LRP2: variants seen among roughly 807,000 people sequenced by gnomAD.
The protein encoded by LRP2 is low-density lipoprotein receptor-related protein 2.
Under a neutral mutation model 531.0 loss-of-function variants are expected in LRP2, and 172 were observed. The observed-to-expected ratio is 0.32, with a 90% confidence interval of 0.29 to 0.37. The LOEUF (loss-of-function observed/expected upper bound fraction) is 0.37, where lower values mean the gene tolerates loss of function less well. Ranked by LOEUF, LRP2 falls within the 10% of genes least tolerant of loss-of-function variation. LRP2 has a pLI of 1.00. For missense variants in LRP2, 5,167 were observed against 5,868.3 expected (o/e 0.88, Z 3.90); for synonymous variants, 1,992 against 2,027.6 (o/e 0.98, Z 0.47).
At chr2:169,156,940 A>G (rs1479055243) in intron 64 of LRP2, among the ~76,000 whole-genome samples, 1 of 152,208 alleles carries the variant, frequency 6.6e-6, no homozygotes, top group African/African-American at 2.4e-5. Context: ...CACCATCTTG[A>G]TAAGCTACCT....
In LRP2 at chr2:169,188,210, G is replaced by A; in HGVS notation, c.9088C>T (p.Gln3030Ter). Residue 3030 changes from glutamine (Q) to a stop codon, truncating the protein, a stop_gained, in exon 49 of 79, where the codon CAG becomes TAG. Coordinates refer to ENST00000649046, the MANE Select transcript of LRP2 (RefSeq NM_004525.3). LOFTEE classifies it high-confidence loss of function. ...DYSDERGCLY[Q>*]TCQQNQFTCQ... ...GTAAACTGATTCTGTTGGCAAGTCT[G>A]GTATAAGCAGCCCCTCTCGTCGCTA... 6.2e-7 allele frequency: 1 copy of A among 1,614,106 alleles called. No individual in the cohort carries two copies.
intron 13 of LRP2, among the ~76,000 whole-genome samples, chr2:169,277,256 T>G (rs1382532724): frequency 3.9e-5 from 6 of 151,944 alleles, no homozygotes; most frequent in Non-Finnish European, 7.4e-5. Flanking sequence ...TAAGTATCTT[T>G]GTATACCAGG....
rs890158936 is a variant in LRP2 at position 169,177,888 on chromosome 2, A to G, written c.10308T>C (p.Tyr3436=). 18 of 1,614,090 alleles carry G rather than the reference A, an allele frequency of 1.1e-5. No homozygotes were observed. The highest frequency in any genetic ancestry group is 1.4e-5 in the Non-Finnish European group (17 of 1,180,034). ...NTRTVEKGNK[Y]DGSNRQTLVN... ...CCAGTGTCTGTCTATTTGATCCATCATATTTGTTTCCCTTTTCCACTGTCC... is the reference window on the plus strand; with the variant it reads ...CCAGTGTCTGTCTATTTGATCCATCGTATTTGTTTCCCTTTTCCACTGTCC... Residue 3436 remains tyrosine, a synonymous_variant, in exon 53 of 79, where the codon TAT becomes TAC. Coordinates refer to ENST00000649046, the MANE Select transcript of LRP2 (RefSeq NM_004525.3).
At chr2:169,220,420 G>T in intron 34 of LRP2, 34 bp downstream of exon 34, 1 of 1,442,206 alleles carries the variant, frequency 6.9e-7, no homozygotes, top group Non-Finnish European at 9.8e-7. Flanking sequence ...GAACAATGCT[G>T]CATGGAAGAC....
chr2:169,279,687 G>A, intron 11 of LRP2, 92 bp from the exon 12 acceptor site: 1 of 736,646 alleles, frequency 1.4e-6, no homozygotes, highest in South Asian at 1.7e-5. Flanking sequence ...AATCAGAAGT[G>A]CTAAAAATCT....
chr2:169,339,903 A>G (rs867100072), intron 1 of LRP2, among the ~76,000 whole-genome samples: 102 of 152,236 alleles, frequency 6.7e-4, no homozygotes, highest in African/African-American at 2.2e-3. Context: ...AGAGAATTCC[A>G]ATATGAAGTA....
chr2:169,290,994 C>A lies in LRP2; in HGVS notation c.773G>T (p.Ser258Ile). 1 of 1,613,866 alleles carries A rather than the reference C, an allele frequency of 6.2e-7. No individual in the cohort carries two copies. The highest frequency in any genetic ancestry group is 8.5e-7 in the Non-Finnish European group (1 of 1,179,868). ...ACATTTATGAACATCATGAGGACCG[C>A]TTTCTGTGGGGGGAAAAAGAGAGAG... ...KDNGDEDGCESGPHDVHKCSP... is the reference protein window; with the variant it reads ...KDNGDEDGCEIGPHDVHKCSP... Residue 258 changes from serine to isoleucine, a missense_variant, in exon 8 of 79, where the codon AGC (serine) becomes ATC (isoleucine). Coordinates refer to ENST00000649046, the MANE Select transcript of LRP2 (RefSeq NM_004525.3).
In LRP2 at chr2:169,292,235, A is replaced by G. The variant is rs62171262; in HGVS notation, c.769+18T>C. On this transcript the variant is annotated intron_variant, in intron 7 of 78. Coordinates refer to ENST00000649046, the MANE Select transcript of LRP2 (RefSeq NM_004525.3). ...TTGAAGAAAATGCTTTTCAGTAGGA[A>G]TCTCTTCCCCTCCTTACCACATCCA... 97,188 of 1,520,040 alleles carry G rather than the reference A, an allele frequency of 0.064. 3,815 individuals are homozygous for G. The highest frequency in any genetic ancestry group is 0.12 in the Middle Eastern group (731 of 5,878). The allele number at this position is 1,520,040 out of a possible 1,614,324, so 94.2% of individuals were successfully genotyped here.
chr2:169,179,015 T>G (rs991644647), intron 52 of LRP2, among the ~76,000 whole-genome samples: 2 of 151,434 alleles, frequency 1.3e-5, no homozygotes, highest in African/African-American at 2.4e-5. Flanking sequence ...ATTTATTTAT[T>G]TATTTATTTA....
intron 16 of LRP2, among the ~76,000 whole-genome samples, chr2:169,263,602 G>A (rs1465565875): frequency 6.7e-6 from 1 of 149,008 alleles, no homozygotes. Flanking sequence ...AACAACAGGT[G>A]CTGGAGAGGA....
chr2:169,201,528 T>C, intron 44 of LRP2, 100 bp downstream of exon 44: 1 of 1,525,518 alleles, frequency 6.6e-7, no homozygotes. Flanking sequence ...ATACTTAGGG[T>C]TTTTATTTTT....
chr2:169,329,923 C>A (rs1685221450), intron 1 of LRP2, among the ~76,000 whole-genome samples: 3 of 152,214 alleles, frequency 2.0e-5, no homozygotes, highest in African/African-American at 7.2e-5. Context: ...AGCATTAGTG[C>A]CTGAGCTCCG....
intron 4 of LRP2, among the ~76,000 whole-genome samples, chr2:169,301,843 A>G (rs1368762358): frequency 6.6e-6 from 1 of 152,094 alleles, no homozygotes. Context: ...TAGAAGCTTG[A>G]AAGGGTATGA....
chr2:169,275,396 TC>T (rs1401208554), intron 13 of LRP2, 158 bp from the exon 14 acceptor site: 1 of 649,722 alleles, frequency 1.5e-6, no homozygotes, highest in Non-Finnish European at 2.7e-6. Context: ...TATACATATT[TC>T]CATCTACATA....
rs995948917 is a variant in LRP2, at chr2:169,361,386, C to T, written c.79+935G>A. Among the ~76,000 whole-genome samples, 11 of 140,766 alleles carry T rather than the reference C, an allele frequency of 7.8e-5. No individual in the cohort carries two copies. The East Asian group carries it at 2.4e-3, about 30-fold the overall frequency. The allele number at this position is 140,766 out of a possible 152,430, so 92.3% of individuals were successfully genotyped here. On this transcript the variant is annotated intron_variant, in intron 1 of 78. Transcript: ENST00000649046. Reference sequence around the variant, plus strand: ...TCTCTCTCTCTCTCTCCCTCTCTCTCTCTCTCTCTGTCTCTCTCCTCTCTC... The same window carrying T: ...TCTCTCTCTCTCTCTCCCTCTCTCTTTCTCTCTCTGTCTCTCTCCTCTCTC...
chr2:169,274,627 A>G (rs750318646), intron 14 of LRP2, among the ~76,000 whole-genome samples: 1 of 152,176 alleles, frequency 6.6e-6, no homozygotes, highest in Non-Finnish European at 1.5e-5. Context: ...TGCTACCGAA[A>G]ATGGACACTT....
At chr2:169,205,741 T>G in intron 40 of LRP2, 104 bp from the exon 41 acceptor site, 1 of 1,196,262 alleles carries the variant, frequency 8.4e-7, no homozygotes, top group Non-Finnish European at 1.2e-6. Context: ...GCCAGTAACA[T>G]GGCAAAAGAA....
intron 76 of LRP2, among the ~76,000 whole-genome samples, chr2:169,135,639 C>T (rs1017272472): frequency 2.6e-5 from 4 of 152,192 alleles, no homozygotes; most frequent in African/African-American, 9.7e-5. Flanking sequence ...CCAAGCTCAG[C>T]CACCAACTTA....
At chr2:169,298,296 T>C (rs1469479631) in intron 4 of LRP2, among the ~76,000 whole-genome samples, 1 of 152,110 alleles carries the variant, frequency 6.6e-6, no homozygotes, top group African/African-American at 2.4e-5. Context: ...TATAAACTCA[T>C]TTCATCTTCA....
Sources: gnomAD v4.1 joint callset for allele counts (sites outside exome capture counted in the v4.1 genomes callset) on GRCh38, gnomAD v4.1.1 for gene constraint, MANE v1.5 for transcripts, NCBI Gene and HGNC (gene_info 2026-07-23, HGNC 2026-07-21) for gene names.